Variants in ZFPM2 observed in about 807,000 individuals in gnomAD.
ZFPM2 encodes zinc finger protein ZFPM2.
A neutral mutation model predicts 98.6 loss-of-function variants in ZFPM2; 20 were observed. The observed-to-expected ratio is 0.20, with a 90% CI of 0.14 to 0.29. The LOEUF (loss-of-function observed/expected upper bound fraction) is 0.29, where lower values mean the gene tolerates loss of function less well. Among genes scored for constraint, ZFPM2 ranks in the 10% least tolerant of loss-of-function variants. The pLI, the probability that ZFPM2 is intolerant of heterozygous loss-of-function variation, is 1.00. For missense variants in ZFPM2, 1,310 were observed against 1,388.6 expected, an observed-to-expected ratio of 0.94 and a Z score of 0.90; for synonymous variants, 518 against 502.7, an observed-to-expected ratio of 1.03 and a Z score of -0.41.
intron 4 of ZFPM2, among the ~76,000 whole-genome samples, chr8:105,596,765 A>G (rs1040857016): frequency 2.2e-4 from 23 of 106,806 alleles, no homozygotes; most frequent in Non-Finnish European, 1.1e-4. Flanking sequence ...TTTTTTTTTA[A>G]TGAGTGATTA....
chr8:105,339,984 T>A (rs1812397414), intron 1 of ZFPM2, among the ~76,000 whole-genome samples: 2 of 151,916 alleles, frequency 1.3e-5, no homozygotes, highest in Admixed American at 1.3e-4. Context: ...GTTACAGGAT[T>A]TGAAAATATT....
rs139168507 is a variant in ZFPM2, at chr8:105,447,841, C to T, written c.301+3460C>T. ...AAATAATGAATCAACTCCCGTCTGA[C>T]GTGTTTCATTTTATCAAATGCAGAT... On this transcript the variant is annotated intron_variant, in intron 3 of 7. Coordinates refer to ENST00000407775, the MANE Select transcript of ZFPM2 (RefSeq NM_012082.4). Among the ~76,000 whole-genome samples the T allele has an allele frequency of 5.5e-4, 84 of 152,130 alleles. No homozygotes were observed. The East Asian group carries it at 0.013, about 23-fold the overall frequency.
intron 5 of ZFPM2, among the ~76,000 whole-genome samples, chr8:105,653,451 G>A (rs1008903620): frequency 4.6e-5 from 7 of 152,026 alleles, no homozygotes; most frequent in Non-Finnish European, 7.4e-5. Flanking sequence ...AAATTATTCC[G>A]CCTTTTAAAA....
intron 4 of ZFPM2, among the ~76,000 whole-genome samples, chr8:105,629,724 G>T (rs1214899414): frequency 6.6e-6 from 1 of 152,170 alleles, no homozygotes; most frequent in Non-Finnish European, 1.5e-5. Flanking sequence ...TGAAGTTCCT[G>T]TTTCTTGCTT....
At chr8:105,435,235 A>G (rs1166144172) in intron 2 of ZFPM2, among the ~76,000 whole-genome samples, 1 of 152,204 alleles carries the variant, frequency 6.6e-6, no homozygotes, top group Non-Finnish European at 1.5e-5. Context: ...AAGAGTAACA[A>G]AAGAGTTTAA....
intron 3 of ZFPM2, among the ~76,000 whole-genome samples, chr8:105,467,572 C>T (rs1404512887): frequency 6.6e-6 from 1 of 152,044 alleles, no homozygotes; most frequent in Non-Finnish European, 1.5e-5. Flanking sequence ...TGATCTCTGA[C>T]CTCAGAGAGC....
intron 5 of ZFPM2, among the ~76,000 whole-genome samples, chr8:105,772,498 AGAG>A (rs1563557056): frequency 6.6e-6 from 1 of 152,154 alleles, no homozygotes; most frequent in East Asian, 1.9e-4. Context: ...GCAGGGGTAA[AGAG>A]GAAGGAAAAC....
chr8:105,404,622 A>T (rs1280025182), intron 1 of ZFPM2, among the ~76,000 whole-genome samples: 1 of 152,096 alleles, frequency 6.6e-6, no homozygotes, highest in South Asian at 2.1e-4. Context: ...TAACCTCCTC[A>T]GTGAAGGAAC....
At chr8:105,658,705 T>C (rs973683028) in intron 5 of ZFPM2, among the ~76,000 whole-genome samples, 4 of 151,904 alleles carry the variant, frequency 2.6e-5, no homozygotes, top group Non-Finnish European at 5.9e-5. Flanking sequence ...CAAAGATGAA[T>C]GAATTTAAAG....
chr8:105,798,099 A>G (rs569358903), intron 6 of ZFPM2: 1 of 152,222 alleles, frequency 6.6e-6, no homozygotes, highest in Non-Finnish European at 1.5e-5. Context: ...CTTTTAATCA[A>G]TCAGATAATT....
chr8:105,400,572 T>TG (rs1239114249), intron 1 of ZFPM2, among the ~76,000 whole-genome samples: 1 of 152,216 alleles, frequency 6.6e-6, no homozygotes, highest in Non-Finnish European at 1.5e-5. Flanking sequence ...TTCTTACAAA[T>TG]GGTAGCCTAT....
At chr8:105,699,913 G>A (rs1811103746) in intron 5 of ZFPM2, among the ~76,000 whole-genome samples, 1 of 151,986 alleles carries the variant, frequency 6.6e-6, no homozygotes, top group Non-Finnish European at 1.5e-5. Context: ...AATATTTTAG[G>A]TATTTTTGAA....
At chr8:105,721,496 A>G (rs1437936243) in intron 5 of ZFPM2, among the ~76,000 whole-genome samples, 2 of 151,970 alleles carry the variant, frequency 1.3e-5, no homozygotes, top group Non-Finnish European at 2.9e-5. Context: ...AACAGATTAT[A>G]TTAATATCAA....
intron 3 of ZFPM2, among the ~76,000 whole-genome samples, chr8:105,454,587 G>T (rs1258003202): frequency 1.3e-5 from 2 of 152,146 alleles, no homozygotes; most frequent in African/African-American, 2.4e-5. Context: ...TGTTTGTGAA[G>T]TTTCTGATCA....
intron 3 of ZFPM2, among the ~76,000 whole-genome samples, chr8:105,472,698 C>T (rs6999099): frequency 0.016 from 2,495 of 151,508 alleles, 65 homozygotes; most frequent in African/African-American, 0.057. Context: ...TTATTAGAGA[C>T]GGGGTTTCAC....
In ZFPM2 at chr8:105,551,794, A is replaced by G. The variant is rs143816432; in HGVS notation, c.302-9569A>G. Among the ~76,000 whole-genome samples the G allele has an allele frequency of 5.0e-3, 766 of 152,296 alleles. 3 individuals are homozygous for G. Among genetic ancestry groups the G allele is most frequent in the African/African-American group, 0.018 (733 of 41,576 alleles). The stretch of plus-strand genomic sequence containing the variant: ...CAATATTTACCTGTCAAAGCTTATC[A>G]GTATATTTCCTTTCATCTCCAACTA... On this transcript the variant is annotated intron_variant, in intron 3 of 7. Coordinates refer to ENST00000407775, the MANE Select transcript of ZFPM2 (RefSeq NM_012082.4).
intron 6 of ZFPM2, chr8:105,797,031 C>T (rs1813845665): frequency 6.6e-6 from 1 of 152,210 alleles, no homozygotes; most frequent in African/African-American, 2.4e-5. Context: ...GAGCCTTATT[C>T]GTCCATTCTA....
chr8:105,454,810 G>C (rs762848088), intron 3 of ZFPM2, among the ~76,000 whole-genome samples: 3 of 152,096 alleles, frequency 2.0e-5, no homozygotes, highest in African/African-American at 4.8e-5. Context: ...AAACTTTTTG[G>C]AATAGTGAAT....
intron 5 of ZFPM2, among the ~76,000 whole-genome samples, chr8:105,666,352 T>C (rs943101322): frequency 3.3e-5 from 5 of 152,196 alleles, no homozygotes; most frequent in South Asian, 2.1e-4. Context: ...GTGAAAATTA[T>C]CGATAACACA....
Sources: gnomAD v4.1 joint callset for allele counts (sites outside exome capture counted in the v4.1 genomes callset) on GRCh38, gnomAD v4.1.1 for gene constraint, MANE v1.5 for transcripts, NCBI Gene and HGNC (gene_info 2026-07-23, HGNC 2026-07-21) for gene names.